Variants in MDGA2 observed in about 807,000 individuals in gnomAD.
The protein encoded by MDGA2 is MAM domain containing glycosylphosphatidylinositol anchor 2.
Under a neutral mutation model 117.8 loss-of-function variants are expected in MDGA2, and 40 were observed. That is an observed-to-expected ratio of 0.34 (90% CI 0.26 to 0.44). MDGA2 has a LOEUF of 0.44. MDGA2 is among the 20% of genes least tolerant of loss of function. The pLI is 1.00. For synonymous variants in MDGA2, 452 were observed against 439.0 expected (o/e 1.03, Z -0.37); for missense variants, 1,123 against 1,250.6 (o/e 0.90, Z 1.54).
chr14:47,172,546 A>G (rs1385062955), intron 3 of MDGA2, among the ~76,000 whole-genome samples: 1 of 152,190 alleles, frequency 6.6e-6, no homozygotes, highest in Non-Finnish European at 1.5e-5. Flanking sequence ...CAGGGTTTGG[A>G]GTGGACCTCT....
At chr14:47,590,298 C>T (rs1441904836) in intron 1 of MDGA2, among the ~76,000 whole-genome samples, 1 of 151,580 alleles carries the variant, frequency 6.6e-6, no homozygotes, top group East Asian at 1.9e-4. Flanking sequence ...ATAAAAAATG[C>T]CAAAAGAAAG....
intron 1 of MDGA2, among the ~76,000 whole-genome samples, chr14:47,456,040 TAAAG>T (rs1228210454): frequency 2.0e-5 from 3 of 151,062 alleles, no homozygotes; most frequent in Non-Finnish European, 3.0e-5. Context: ...AAAATTAAAA[TAAAG>T]AAAGAAAGAA....
intron 1 of MDGA2, among the ~76,000 whole-genome samples, chr14:47,363,253 ATTTATT>A (rs1305974197): frequency 6.6e-6 from 1 of 151,884 alleles, no homozygotes; most frequent in South Asian, 2.1e-4. Context: ...TGTTTAATTT[ATTTATT>A]TTTATTTTTA....
chr14:47,243,016 CTG>C (rs1887113066), intron 2 of MDGA2, among the ~76,000 whole-genome samples: 1 of 151,882 alleles, frequency 6.6e-6, no homozygotes, highest in African/African-American at 2.4e-5. Context: ...AGTCGACACT[CTG>C]TATCTAGCTG....
chr14:47,415,731 A>C (rs1892462346), intron 1 of MDGA2, among the ~76,000 whole-genome samples: 1 of 152,086 alleles, frequency 6.6e-6, no homozygotes, highest in South Asian at 2.1e-4. Context: ...TATTTCTCGC[A>C]CTTCTGGAGG....
intron 2 of MDGA2, among the ~76,000 whole-genome samples, chr14:47,248,145 C>A (rs1286053669): frequency 1.3e-5 from 2 of 151,192 alleles, no homozygotes. Context: ...GATTTATAAT[C>A]CTTTGGGTAT....
chr14:47,312,677 G>GTTTTTTTTTT (rs202227321), intron 1 of MDGA2, among the ~76,000 whole-genome samples: 8 of 126,762 alleles, frequency 6.3e-5, no homozygotes, highest in African/African-American at 2.1e-4. Flanking sequence ...CTAGTTTTTA[G>GTTTTTTTTTT]TTTTTTTTTT....
intron 2 of MDGA2, among the ~76,000 whole-genome samples, chr14:47,297,760 A>C (rs1419765397): frequency 6.6e-6 from 1 of 152,198 alleles, no homozygotes; most frequent in Non-Finnish European, 1.5e-5. Flanking sequence ...TATGCAGAGC[A>C]ATAAAACACA....
intron 9 of MDGA2, among the ~76,000 whole-genome samples, chr14:46,951,877 T>C (rs1305703746): frequency 1.3e-5 from 2 of 152,010 alleles, no homozygotes; most frequent in East Asian, 3.9e-4. Context: ...CTTTGTATAA[T>C]GTAATTCTTT....
intron 14 of MDGA2, among the ~76,000 whole-genome samples, chr14:46,868,606 T>C: frequency 6.6e-6 from 1 of 151,944 alleles, no homozygotes; most frequent in Admixed American, 6.6e-5. Flanking sequence ...GCTATGGACT[T>C]TTTAAAAAAG....
At chr14:46,956,704 G>A (rs1167204255) in intron 9 of MDGA2, among the ~76,000 whole-genome samples, 1 of 152,038 alleles carries the variant, frequency 6.6e-6, no homozygotes, top group Non-Finnish European at 1.5e-5. Context: ...ACTACAGTAT[G>A]TCTTATTATT....
intron 7 of MDGA2, among the ~76,000 whole-genome samples, chr14:47,058,025 T>C (rs771314599): frequency 4.6e-5 from 7 of 152,140 alleles, no homozygotes; most frequent in East Asian, 3.9e-4. Flanking sequence ...TTAAAAGTCA[T>C]CAAAAACATA....
chr14:47,310,047 A>G lies in MDGA2; in HGVS notation c.281-8497T>C, dbSNP rs539641676. ...AAAATATTATTCTGAATTATCTTCC[A>G]CAAAACAACAAGTGTCCTATTTTTT... is the stretch of plus-strand genomic sequence containing the variant. On this transcript the variant is annotated intron_variant, in intron 1 of 16. Coordinates refer to ENST00000399232, the MANE Select transcript of MDGA2 (RefSeq NM_001113498.3). Among the ~76,000 whole-genome samples, 27 of 152,280 alleles carry G rather than the reference A, an allele frequency of 1.8e-4. No individual in the cohort carries two copies. The South Asian group carries it at 5.6e-3, about 32-fold the overall frequency.
chr14:47,337,913 C>G (rs1890509160), intron 1 of MDGA2, among the ~76,000 whole-genome samples: 1 of 151,988 alleles, frequency 6.6e-6, no homozygotes, highest in Admixed American at 6.6e-5. Context: ...ATGAATACCC[C>G]TTATTTTGAA....
In MDGA2 at chr14:46,920,170, G is replaced by A. The variant is rs1272780183; in HGVS notation, c.2090-10C>T. Reference sequence around the variant, plus strand: ...GGAGCATAGGCCTTTCCTGAAAACAGAAAGTGTGCTTAAATTTGAATGATG... The same window carrying A: ...GGAGCATAGGCCTTTCCTGAAAACAAAAAGTGTGCTTAAATTTGAATGATG... On this transcript the variant is annotated splice_polypyrimidine_tract_variant and intron_variant, in intron 9 of 16. Coordinates refer to ENST00000399232, the MANE Select transcript of MDGA2 (RefSeq NM_001113498.3). 2 of 1,604,580 alleles carry A rather than the reference G, an allele frequency of 1.2e-6. No homozygotes were observed. Among genetic ancestry groups the A allele is most frequent in the Non-Finnish European group, 1.7e-6 (2 of 1,176,796 alleles).
chr14:47,191,144 G>C lies in MDGA2; in HGVS notation c.595+26877C>G, dbSNP rs112559269. On this transcript the variant is annotated intron_variant, in intron 3 of 16. Coordinates refer to ENST00000399232, the MANE Select transcript of MDGA2 (RefSeq NM_001113498.3). The stretch of plus-strand genomic sequence containing the variant: ...CTCTAACATATATATACATATCTGT[G>C]TGTGTGTGTGAGTACACAAGTATGT... Among the ~76,000 whole-genome samples, 8 of 152,028 alleles carry C rather than the reference G, an allele frequency of 5.3e-5. 1 individual carries two copies. Among genetic ancestry groups the C allele is most frequent in the Admixed American group, 2.0e-4 (3 of 15,246 alleles).
intron 1 of MDGA2, among the ~76,000 whole-genome samples, chr14:47,565,660 T>C (rs751993075): frequency 3.3e-5 from 5 of 152,254 alleles, no homozygotes; most frequent in South Asian, 2.1e-4. Context: ...TGCATGCTCA[T>C]TGGATGGGGT....
At position 47,125,089 on chromosome 14, in the gene MDGA2, T is replaced by C. The variant is rs995603503; in HGVS notation, c.925+6625A>G. Among the ~76,000 whole-genome samples the C allele has an allele frequency of 1.2e-4, 18 of 152,134 alleles. 1 individual carries two copies. Among genetic ancestry groups the C allele is most frequent in the Admixed American group, 1.2e-3 (18 of 15,248 alleles). ...ATCTAGATTCTAATAAATGATTCTC[T>C]TGATTATCTAGATGCTATGAAGATC... is the stretch of plus-strand genomic sequence containing the variant. On this transcript the variant is annotated intron_variant, in intron 5 of 16. Transcript: ENST00000399232.
At chr14:47,186,786 AC>A (rs1281419853) in intron 3 of MDGA2, among the ~76,000 whole-genome samples, 4 of 152,118 alleles carry the variant, frequency 2.6e-5, no homozygotes, top group Non-Finnish European at 5.9e-5. Context: ...TTGTAAATCA[AC>A]AGATGGAATC....
Sources: gnomAD v4.1 joint callset for allele counts (sites outside exome capture counted in the v4.1 genomes callset) on GRCh38, gnomAD v4.1.1 for gene constraint, MANE v1.5 for transcripts, NCBI Gene and HGNC (gene_info 2026-07-23, HGNC 2026-07-21) for gene names.